The following VPS13C variants were observed in gnomAD, a reference collection of about 807,000 sequenced individuals.
VPS13C encodes the protein vacuolar protein sorting 13 homolog C, also known as intermembrane lipid transfer protein VPS13C.
A neutral mutation model predicts 456.8 loss-of-function variants in VPS13C; 358 were observed. The ratio of observed to expected loss-of-function variants is 0.78; its 90% CI spans 0.72 to 0.86. The LOEUF is 0.86. VPS13C is among the 40% of genes least tolerant of loss of function. The pLI, the probability that VPS13C is intolerant of heterozygous loss-of-function variation, is 0.00. For missense variants in VPS13C, 4,818 were observed against 4,385.4 expected (o/e 1.10, Z -2.79); for synonymous variants, 1,578 against 1,486.7 (o/e 1.06, Z -1.41).
intron 49 of VPS13C, among the ~76,000 whole-genome samples, chr15:61,932,344 T>C (rs2044089046): frequency 6.6e-6 from 1 of 151,934 alleles, no homozygotes; most frequent in African/African-American, 2.4e-5. Flanking sequence ...GGATACAGGG[T>C]GATTGGGCTT....
At chr15:62,010,804 C>A (rs2047012816) in intron 12 of VPS13C, among the ~76,000 whole-genome samples, 1 of 152,050 alleles carries the variant, frequency 6.6e-6, no homozygotes, top group Non-Finnish European at 1.5e-5. Flanking sequence ...AGCGAAATCT[C>A]CAAGGAGGAA....
intron 18 of VPS13C, among the ~76,000 whole-genome samples, chr15:61,986,094 C>T (rs1304043121): frequency 2.0e-5 from 3 of 150,996 alleles, no homozygotes; most frequent in Non-Finnish European, 4.4e-5. Context: ...TACACACACA[C>T]TCTCACACAT....
At chr15:61,952,255 G>A (rs1411237518) in intron 38 of VPS13C, among the ~76,000 whole-genome samples, 1 of 152,140 alleles carries the variant, frequency 6.6e-6, no homozygotes, top group Non-Finnish European at 1.5e-5. Context: ...TTTTGAGCTG[G>A]TAATTCTTTG....
intron 22 of VPS13C, among the ~76,000 whole-genome samples, chr15:61,980,183 CAAAAAAAAAAAA>C (rs71125960): frequency 0.04 from 1,808 of 45,314 alleles, 55 homozygotes; most frequent in African/African-American, 0.12. Context: ...GACCCCATCT[CAAAAAAAAAAAA>C]AAAAAAAAAA....
At position 61,890,335 on chromosome 15, in the gene VPS13C, C is replaced by T. The variant is rs750655268; in HGVS notation, c.9171G>A (p.Gly3057=). The T allele has an allele frequency of 9.3e-6, 15 of 1,613,892 alleles. No homozygotes were observed. In the Admixed American group the frequency reaches 2.5e-4, roughly 27 times the overall value. The part of the protein sequence containing the change: ...IQIHWVSFLD[G]RQRVLLFTDD... ...CGGTGAAAAGCAAAACTCTCTGGCG[C>T]CCATCCAGAAATGATACCCAGTGTA... Residue 3057 remains glycine, a synonymous_variant, in exon 67 of 85, where the codon GGG becomes GGA. Transcript: ENST00000644861.
At chr15:62,014,505 G>T (rs2047159179) in intron 9 of VPS13C, among the ~76,000 whole-genome samples, 1 of 152,092 alleles carries the variant, frequency 6.6e-6, no homozygotes, top group Non-Finnish European at 1.5e-5. Flanking sequence ...AGTACAGTGA[G>T]CACATAGGTA....
chr15:62,015,612 T>C (rs1471418953), intron 9 of VPS13C, among the ~76,000 whole-genome samples: 1 of 142,764 alleles, frequency 7.0e-6, no homozygotes, highest in Non-Finnish European at 1.5e-5. Context: ...AATGATGAGT[T>C]CATGTCCTTT....
intron 1 of VPS13C, among the ~76,000 whole-genome samples, chr15:62,056,046 C>G (rs2048785112): frequency 6.6e-6 from 1 of 152,132 alleles, no homozygotes; most frequent in Admixed American, 6.5e-5. Context: ...ACAAAGTCAC[C>G]TCCCACTGAA....
chr15:62,048,309 T>G (rs980121389), intron 1 of VPS13C, among the ~76,000 whole-genome samples: 15 of 132,730 alleles, frequency 1.1e-4, no homozygotes, highest in Middle Eastern at 4.1e-3. Flanking sequence ...TGTGTCCATG[T>G]GTTCTCATTG....
chr15:61,950,862 G>C (rs1406646910), intron 40 of VPS13C, 83 bp downstream of exon 40: 3 of 919,942 alleles, frequency 3.3e-6, no homozygotes, highest in Non-Finnish European at 4.7e-6. Flanking sequence ...AATGTTGGGA[G>C]AGAAAATGAG....
intron 55 of VPS13C, 37 bp from the exon 56 acceptor site, chr15:61,920,684 A>G (rs2043626005): frequency 1.3e-6 from 2 of 1,531,062 alleles, no homozygotes; most frequent in Non-Finnish European, 1.7e-6. Context: ...TTAAATTATT[A>G]GCCAGTTGAT....
intron 16 of VPS13C, among the ~76,000 whole-genome samples, chr15:61,998,804 C>T (rs1365064307): frequency 1.3e-5 from 2 of 152,178 alleles, no homozygotes; most frequent in African/African-American, 4.8e-5. Flanking sequence ...TTTTCTTCTG[C>T]CTCTGCTACC....
intron 8 of VPS13C, 87 bp from the exon 9 acceptor site, chr15:62,020,625 G>T: frequency 1.5e-6 from 2 of 1,356,886 alleles, no homozygotes; most frequent in South Asian, 1.3e-5. Context: ...AGGGAAATGT[G>T]TTTACAGGTT....
intron 81 of VPS13C, chr15:61,865,766 G>T: frequency 1.6e-6 from 1 of 633,140 alleles, no homozygotes; most frequent in Non-Finnish European, 1.9e-6. Flanking sequence ...ATATATGTAC[G>T]TGTGTATATA....
intron 68 of VPS13C, among the ~76,000 whole-genome samples, chr15:61,883,574 T>C (rs921156605): frequency 1.3e-5 from 2 of 152,142 alleles, no homozygotes; most frequent in East Asian, 3.9e-4. Flanking sequence ...GTAGACTTCC[T>C]GGAGCACAGG....
chr15:61,971,611 T>A (rs1047856514), intron 27 of VPS13C, among the ~76,000 whole-genome samples: 1 of 152,152 alleles, frequency 6.6e-6, no homozygotes. Context: ...ACAGAGTACC[T>A]GATGGAAGCA....
chr15:61,998,248 G>C (rs753333031), intron 16 of VPS13C, among the ~76,000 whole-genome samples: 4 of 152,168 alleles, frequency 2.6e-5, no homozygotes, highest in Non-Finnish European at 4.4e-5. Context: ...CCTTGTTAGT[G>C]AGGCTTTTCC....
chr15:61,863,322 A>T, intron 82 of VPS13C, 118 bp downstream of exon 82: 1 of 675,738 alleles, frequency 1.5e-6, no homozygotes, highest in Non-Finnish European at 2.5e-6. Flanking sequence ...ACATTTTGCC[A>T]TTCACTTTGG....
chr15:61,927,385 A>T, intron 51 of VPS13C, 65 bp from the exon 52 acceptor site: 1 of 1,263,114 alleles, frequency 7.9e-7, no homozygotes, highest in Non-Finnish European at 1.1e-6. Context: ...ACTACATGTT[A>T]TCTACAAGTT....
Sources: gnomAD v4.1 joint callset for allele counts (sites outside exome capture counted in the v4.1 genomes callset) on GRCh38, gnomAD v4.1.1 for gene constraint, MANE v1.5 for transcripts, NCBI Gene and HGNC (gene_info 2026-07-23, HGNC 2026-07-21) for gene names.